INPP4B: variants seen among roughly 807,000 people sequenced by gnomAD.
INPP4B encodes inositol polyphosphate-4-phosphatase type II B.
In INPP4B, 55 loss-of-function variants were observed where a neutral mutation model predicts 122.5. The ratio of observed to expected loss-of-function variants is 0.45; its 90% CI spans 0.36 to 0.56. The LOEUF (loss-of-function observed/expected upper bound fraction) is 0.56, where lower values mean the gene tolerates loss of function less well. Ranked by LOEUF, INPP4B falls within the 20% of genes least tolerant of loss-of-function variation. The pLI is 0.00. For missense variants in INPP4B, 1,000 were observed against 1,097.7 expected, an observed-to-expected ratio of 0.91 and a Z score of 1.26; for synonymous variants, 403 against 388.7, an observed-to-expected ratio of 1.04 and a Z score of -0.43.
At chr4:142,069,516 A>T (rs1482593082) in intron 25 of INPP4B, among the ~76,000 whole-genome samples, 1 of 151,602 alleles carries the variant, frequency 6.6e-6, no homozygotes, top group Non-Finnish European at 1.5e-5. Flanking sequence ...GACACAAAAA[A>T]CCGTTCAAAA....
intron 2 of INPP4B, among the ~76,000 whole-genome samples, chr4:142,552,390 T>C (rs577517509): frequency 6.6e-6 from 1 of 151,728 alleles, no homozygotes; most frequent in South Asian, 2.1e-4. Context: ...TTAAGTAAAC[T>C]AACCTAATTA....
intron 1 of INPP4B, among the ~76,000 whole-genome samples, chr4:142,809,517 T>TA (rs543166039): frequency 2.6e-4 from 39 of 152,286 alleles, no homozygotes; most frequent in African/African-American, 9.1e-4. Context: ...ACCTCTATAG[T>TA]AATAGGTACC....
At chr4:142,639,940 G>A (rs1328107448) in intron 2 of INPP4B, among the ~76,000 whole-genome samples, 5 of 151,930 alleles carry the variant, frequency 3.3e-5, no homozygotes, top group Non-Finnish European at 7.4e-5. Context: ...TCAACAAATG[G>A]TACTACTACT....
At chr4:142,544,741 G>A (rs55877831) in intron 2 of INPP4B, among the ~76,000 whole-genome samples, 7,043 of 152,166 alleles carry the variant, frequency 0.046, 203 homozygotes, top group Non-Finnish European at 0.053. Context: ...ACAGGTGGTC[G>A]ATTGAGACTG....
At chr4:142,128,673 G>A (rs901478956) in intron 18 of INPP4B, among the ~76,000 whole-genome samples, 2 of 152,126 alleles carry the variant, frequency 1.3e-5, no homozygotes, top group Admixed American at 6.5e-5. Context: ...TGTGAAGTGT[G>A]TTGGGAGCCA....
In INPP4B at chr4:142,124,880, C is replaced by T. The variant is rs575118557; in HGVS notation, c.1721-120G>A. 1.6e-5 allele frequency: 12 copies of T among 751,838 alleles called. No individual in the cohort carries two copies. The South Asian group carries it at 3.0e-4, about 19-fold the overall frequency. 46.6% of individuals were successfully genotyped at this position (751,838 alleles called of 1,614,324 possible). On this transcript the variant is annotated intron_variant, in intron 18 of 25. Transcript: ENST00000262992. ...TAAGTTAGACATATTCTTAAGGATT[C>T]ACAAAGATTAGAGCTGAAGATCTCT...
intron 18 of INPP4B, among the ~76,000 whole-genome samples, chr4:142,142,779 T>C (rs1411646534): frequency 6.6e-6 from 1 of 152,118 alleles, no homozygotes; most frequent in Non-Finnish European, 1.5e-5. Context: ...ATTTTGAATG[T>C]TGTCACCACA....
intron 5 of INPP4B, among the ~76,000 whole-genome samples, chr4:142,417,775 C>T (rs761235543): frequency 1.2e-4 from 18 of 152,020 alleles, no homozygotes; most frequent in Non-Finnish European, 1.5e-4. Flanking sequence ...ATTTTTGAGG[C>T]GGTATCAGGA....
chr4:142,309,907 A>C (rs1764829887), intron 8 of INPP4B, among the ~76,000 whole-genome samples: 1 of 152,198 alleles, frequency 6.6e-6, no homozygotes. Flanking sequence ...GAGTGTCCAC[A>C]TGAATAGTGT....
intron 2 of INPP4B, among the ~76,000 whole-genome samples, chr4:142,651,329 ACAAATTCAAAAG>A (rs1284241147): frequency 6.6e-6 from 1 of 152,192 alleles, no homozygotes; most frequent in African/African-American, 2.4e-5. Context: ...GCAAGAGCAA[ACAAATTCAAAAG>A]CTAGTGGAAG....
At chr4:142,527,151 G>C (rs981991296) in intron 2 of INPP4B, among the ~76,000 whole-genome samples, 1 of 151,260 alleles carries the variant, frequency 6.6e-6, no homozygotes, top group African/African-American at 2.4e-5. Flanking sequence ...ATTTTATCTT[G>C]GTGAAAAGAT....
intron 1 of INPP4B, among the ~76,000 whole-genome samples, chr4:142,787,068 CTG>C (rs1257765807): frequency 2.6e-5 from 4 of 152,028 alleles, no homozygotes; most frequent in East Asian, 3.9e-4. Context: ...ATAAGGGAAA[CTG>C]TGTGCATGGG....
At chr4:142,397,360 G>A (rs1476360596) in intron 7 of INPP4B, among the ~76,000 whole-genome samples, 1 of 152,086 alleles carries the variant, frequency 6.6e-6, no homozygotes, top group East Asian at 1.9e-4. Context: ...ATAAACTCAG[G>A]TATTTCACAA....
At chr4:142,302,799 TA>T (rs969588076) in intron 9 of INPP4B, among the ~76,000 whole-genome samples, 14 of 151,702 alleles carry the variant, frequency 9.2e-5, no homozygotes, top group African/African-American at 3.1e-4. Flanking sequence ...ATAATTGAGA[TA>T]AAAAAGAAGT....
intron 23 of INPP4B, among the ~76,000 whole-genome samples, chr4:142,087,052 C>T (rs1777206058): frequency 6.6e-6 from 1 of 152,166 alleles, no homozygotes; most frequent in African/African-American, 2.4e-5. Flanking sequence ...CTATTAACTT[C>T]TTGAATCAGG....
chr4:142,823,700 T>C (rs1455342388), intron 1 of INPP4B, among the ~76,000 whole-genome samples: 1 of 152,186 alleles, frequency 6.6e-6, no homozygotes, highest in East Asian at 1.9e-4. Context: ...CACAACTGAC[T>C]TTTGATTGTT....
intron 2 of INPP4B, among the ~76,000 whole-genome samples, chr4:142,641,816 A>T (rs781289100): frequency 2.6e-5 from 4 of 152,146 alleles, no homozygotes; most frequent in Non-Finnish European, 5.9e-5. Context: ...TGGTATTTCT[A>T]GTTCTAGATC....
Position 142,517,000 on chromosome 4 carries a change from A to T in INPP4B, c.-190-54274T>A, listed in dbSNP as rs573590770. Among the ~76,000 whole-genome samples, 6 of 152,032 alleles carry T rather than the reference A, an allele frequency of 3.9e-5. 1 individual carries two copies. The highest frequency in any genetic ancestry group is 3.9e-4 in the Admixed American group (6 of 15,248). ...CATCTTTGTAAATACTTGTTTTATT[A>T]AACTTTTCCCTACTCACCATTCCAA... On this transcript the variant is annotated intron_variant, in intron 2 of 25. Coordinates refer to ENST00000262992, the MANE Select transcript of INPP4B (RefSeq NM_001101669.3).
chr4:142,270,433 G>A (rs1745198352), intron 10 of INPP4B, among the ~76,000 whole-genome samples: 1 of 152,172 alleles, frequency 6.6e-6, no homozygotes, highest in Non-Finnish European at 1.5e-5. Context: ...GAGCTGGCAG[G>A]GAAGAGGAAG....
Sources: allele counts gnomAD v4.1 joint callset (sites outside exome capture counted in the v4.1 genomes callset), GRCh38; gene constraint gnomAD v4.1.1; transcripts MANE v1.5; gene names NCBI Gene and HGNC (gene_info 2026-07-23, HGNC 2026-07-21).